The following UNC5C variants were observed in gnomAD, a reference collection of about 807,000 sequenced individuals.
UNC5C encodes unc-5 netrin receptor C.
UNC5C carries 47 observed loss-of-function variants against 99.8 expected under a neutral mutation model. The observed-to-expected ratio is 0.47, with a 90% confidence interval of 0.37 to 0.60. UNC5C has a LOEUF of 0.60. Among genes scored for constraint, UNC5C ranks in the 20% least tolerant of loss-of-function variants. UNC5C has a pLI of 0.00. For synonymous variants in UNC5C, 487 were observed against 452.2 expected (o/e 1.08, Z -0.98); for missense variants, 1,062 against 1,165.9 (o/e 0.91, Z 1.30).
chr4:95,189,767 A>C (rs1310722244), intron 12 of UNC5C, among the ~76,000 whole-genome samples: 4 of 152,238 alleles, frequency 2.6e-5, no homozygotes, highest in Non-Finnish European at 5.9e-5. Flanking sequence ...CCATCAGAGA[A>C]ATGCAAATCA....
Position 95,169,171 on chromosome 4 carries a change from C to G in UNC5C, c.*63G>C. 4 of 1,592,560 alleles carry G rather than the reference C, an allele frequency of 2.5e-6. No individual in the cohort carries two copies. Among genetic ancestry groups the G allele is most frequent in the Non-Finnish European group, 2.6e-6 (3 of 1,166,156 alleles). ...CTGGATTTCCTCCTCAGCTGTGATTCACCTGGACGGCCACAGACTCCCTGT... is the reference window on the plus strand; with the variant it reads ...CTGGATTTCCTCCTCAGCTGTGATTGACCTGGACGGCCACAGACTCCCTGT... On this transcript the variant is annotated 3_prime_UTR_variant, in exon 16 of 16. Transcript: ENST00000453304.
rs1363394501 is a variant in UNC5C, at chr4:95,313,233, T to C, written c.347-11484A>G. Among the ~76,000 whole-genome samples, 4 of 152,076 alleles carry C rather than the reference T, an allele frequency of 2.6e-5. No individual in the cohort carries two copies. In the East Asian group the frequency reaches 5.8e-4, roughly 22 times the overall value. On this transcript the variant is annotated intron_variant, in intron 2 of 15. Coordinates refer to ENST00000453304, the MANE Select transcript of UNC5C (RefSeq NM_003728.4). ...GTAAAGGAATAAGTGTTGAATTAGA[T>C]AGAAGAGAAGATTCATGAAGAGCTG...
chr4:95,305,689 G>A (rs897572049), intron 2 of UNC5C, among the ~76,000 whole-genome samples: 4 of 152,168 alleles, frequency 2.6e-5, no homozygotes, highest in Non-Finnish European at 2.9e-5. Flanking sequence ...TTTGAAGTTT[G>A]CAGTGATTTG....
chr4:95,194,310 C>T (rs771583820), intron 12 of UNC5C, among the ~76,000 whole-genome samples: 1 of 152,214 alleles, frequency 6.6e-6, no homozygotes, highest in Non-Finnish European at 1.5e-5. Context: ...TTTCTTTTCT[C>T]CTGTTAACAC....
intron 14 of UNC5C, among the ~76,000 whole-genome samples, chr4:95,172,167 A>G (rs1439723427): frequency 6.7e-6 from 1 of 149,328 alleles, no homozygotes; most frequent in Non-Finnish European, 1.5e-5. Flanking sequence ...AGGTTGCGAA[A>G]ATTTTCTCCC....
chr4:95,535,569 T>A (rs967411788), intron 1 of UNC5C, among the ~76,000 whole-genome samples: 2 of 152,176 alleles, frequency 1.3e-5, no homozygotes, highest in Non-Finnish European at 2.9e-5. Flanking sequence ...CTATTATTAT[T>A]GGAATCTTCG....
At chr4:95,419,499 G>T (rs1477190556) in intron 1 of UNC5C, among the ~76,000 whole-genome samples, 3 of 152,156 alleles carry the variant, frequency 2.0e-5, no homozygotes, top group Non-Finnish European at 1.5e-5. Flanking sequence ...ACTGAAAAGA[G>T]ATTGTGTTCC....
intron 7 of UNC5C, among the ~76,000 whole-genome samples, chr4:95,229,936 G>A (rs747412481): frequency 1.1e-4 from 17 of 149,934 alleles, no homozygotes; most frequent in Non-Finnish European, 1.9e-4. Context: ...TCAGCCTCCC[G>A]AGTAGCTGGG....
At chr4:95,192,711 CCTGCTCACCCTACTTCT>C (rs1737203222) in intron 12 of UNC5C, among the ~76,000 whole-genome samples, 1 of 151,848 alleles carries the variant, frequency 6.6e-6, no homozygotes, top group African/African-American at 2.4e-5. Flanking sequence ...CACTTCCTCC[CCTGCTCACCCTACTTCT>C]CTGCTCACCT....
intron 12 of UNC5C, among the ~76,000 whole-genome samples, chr4:95,201,214 T>C (rs1737642175): frequency 6.6e-6 from 1 of 152,084 alleles, no homozygotes; most frequent in Admixed American, 6.5e-5. Context: ...AGGCACAATC[T>C]CTACACCCCA....
chr4:95,422,882 AC>A (rs1486741087), intron 1 of UNC5C, among the ~76,000 whole-genome samples: 1 of 152,204 alleles, frequency 6.6e-6, no homozygotes, highest in Non-Finnish European at 1.5e-5. Context: ...AACCAAACAA[AC>A]CAAAACATGA....
chr4:95,382,836 T>A (rs990030781), intron 1 of UNC5C, among the ~76,000 whole-genome samples: 1 of 152,144 alleles, frequency 6.6e-6, no homozygotes, highest in Non-Finnish European at 1.5e-5. Context: ...GTGCACTGCT[T>A]TTGATGGGTT....
chr4:95,320,781 A>G (rs1742660451), intron 2 of UNC5C, among the ~76,000 whole-genome samples: 1 of 152,228 alleles, frequency 6.6e-6, no homozygotes, highest in Non-Finnish European at 1.5e-5. Context: ...GGAAAAACAC[A>G]CACATGTGTG....
At position 95,182,999 on chromosome 4, in the gene UNC5C, C is replaced by A. The variant is rs199839799; in HGVS notation, c.2349G>T (p.Leu783=). The A allele has an allele frequency of 6.2e-7, 1 of 1,613,342 alleles. No individual in the cohort carries two copies. The highest frequency in any genetic ancestry group is 8.5e-7 in the Non-Finnish European group (1 of 1,179,448). The change falls in exon 14 of 16, where the codon CTG becomes CTT. Residue 783 remains leucine, a synonymous_variant. Coordinates refer to ENST00000453304, the MANE Select transcript of UNC5C (RefSeq NM_003728.4). ...CCACTGTGTTCAGGCTAAATCTTTC[C>A]AGAGTGAAGGTGCAGTGCAGGTTTC... The part of the protein sequence containing the change: ...SQRNLHCTFT[L]ERFSLNTVEL...
chr4:95,277,551 T>C (rs993472956), intron 4 of UNC5C, among the ~76,000 whole-genome samples: 3 of 152,192 alleles, frequency 2.0e-5, no homozygotes, highest in African/African-American at 7.2e-5. Flanking sequence ...TGATGGTGAG[T>C]GCTTGCAATC....
chr4:95,388,235 A>ACTT (rs1745264622), intron 1 of UNC5C, among the ~76,000 whole-genome samples: 1 of 152,228 alleles, frequency 6.6e-6, no homozygotes, highest in African/African-American at 2.4e-5. Context: ...TAGCAAATGT[A>ACTT]CTTCACAATG....
At chr4:95,393,217 T>G (rs2149445706) in intron 1 of UNC5C, among the ~76,000 whole-genome samples, 1 of 152,348 alleles carries the variant, frequency 6.6e-6, no homozygotes, top group South Asian at 2.1e-4. Context: ...AAGCCATGAC[T>G]GTTGACTGTA....
rs149164035 is a variant in UNC5C at position 95,382,306 on chromosome 4, C to G, written c.125-46675G>C. On this transcript the variant is annotated intron_variant, in intron 1 of 15. Transcript: ENST00000453304. Reference sequence around the variant, plus strand: ...TGGGCAACATAGTGAAACCCTGTCTCTACAAAAAATAAAAAAATTAGCCAG... The same window carrying G: ...TGGGCAACATAGTGAAACCCTGTCTGTACAAAAAATAAAAAAATTAGCCAG... Among the ~76,000 whole-genome samples the G allele has an allele frequency of 4.3e-3, 655 of 151,860 alleles. 5 individuals carry two copies. Among genetic ancestry groups the G allele is most frequent in the African/African-American group, 0.015 (626 of 41,422 alleles).
intron 1 of UNC5C, among the ~76,000 whole-genome samples, chr4:95,449,016 A>G (rs1163613183): frequency 6.6e-6 from 1 of 151,266 alleles, no homozygotes; most frequent in East Asian, 1.9e-4. Flanking sequence ...CCTTCCCCTT[A>G]CTCCCCACAC....
Sources: allele counts gnomAD v4.1 joint callset (sites outside exome capture counted in the v4.1 genomes callset), GRCh38; gene constraint gnomAD v4.1.1; transcripts MANE v1.5; gene names NCBI Gene and HGNC (gene_info 2026-07-23, HGNC 2026-07-21).